Variants in RPS4Y1 observed in about 807,000 individuals in gnomAD.
RPS4Y1 encodes ribosomal protein S4 Y-linked 1, also known as small ribosomal subunit protein eS4, Y isoform 1.
For missense variants in RPS4Y1, 30 were observed against 60.9 expected (o/e 0.49, Z 1.69); for synonymous variants, 23 against 20.8 (o/e 1.10, Z -0.28).
intron 5 of RPS4Y1, among the ~76,000 whole-genome samples, chrY:2,862,378 G>A (rs776805330): frequency 8.7e-4 from 29 of 33,299 alleles, no homozygotes; most frequent in South Asian, 2.7e-3. Context: ...GTCTTTCCAT[G>A]GTGCATCATG....
intron 5 of RPS4Y1, among the ~76,000 whole-genome samples, chrY:2,856,434 G>C: frequency 3.0e-5 from 1 of 33,807 alleles, no homozygotes; most frequent in South Asian, 6.6e-4. Flanking sequence ...ACCGTGCCCA[G>C]CCGAGAATAA....
intron 4 of RPS4Y1, among the ~76,000 whole-genome samples, chrY:2,846,975 A>G: frequency 5.9e-5 from 2 of 33,983 alleles, no homozygotes; most frequent in African/African-American, 1.2e-4. Flanking sequence ...AGACTATCGC[A>G]TAGTAGCGAG....
intron 5 of RPS4Y1, among the ~76,000 whole-genome samples, chrY:2,856,002 G>C: frequency 1.5e-4 from 5 of 34,059 alleles, no homozygotes; most frequent in African/African-American, 4.6e-4. Context: ...TTGTTTCTAA[G>C]TGATCCAGCG....
intron 5 of RPS4Y1, among the ~76,000 whole-genome samples, chrY:2,863,129 G>T (rs2051164836): frequency 3.0e-5 from 1 of 33,674 alleles, no homozygotes; most frequent in Non-Finnish European, 7.3e-5. Context: ...ATAAAATAGT[G>T]ATTCATGGGA....
At chrY:2,856,919 T>C (rs2051160370) in intron 5 of RPS4Y1, among the ~76,000 whole-genome samples, 1 of 33,711 alleles carries the variant, frequency 3.0e-5, no homozygotes, top group Non-Finnish European at 7.3e-5. Context: ...ATTTGTTTAT[T>C]ACTTACTAGT....
chrY:2,854,656 G>A lies in RPS4Y1; in HGVS notation c.417G>A (p.Leu139=). The stretch of plus-strand genomic sequence containing the variant: ...TGGGAGTGAAGGGAATCCCTCACCT[G>A]GTGACTCATGATGCTCGAACCATCC... The part of the protein sequence containing the change: ...ITVGVKGIPH[L]VTHDARTIRY... Residue 139 remains leucine (L), a synonymous_variant, in exon 5 of 7, where the codon CTG becomes CTA. Transcript: ENST00000250784. 2.5e-6 allele frequency: 1 copy of A among 394,650 alleles called. No homozygotes were observed. Among genetic ancestry groups the A allele is most frequent in the South Asian group, 3.0e-5 (1 of 33,708 alleles).
intron 5 of RPS4Y1, among the ~76,000 whole-genome samples, chrY:2,862,939 G>T (rs2051164696): frequency 3.0e-5 from 1 of 33,516 alleles, no homozygotes; most frequent in East Asian, 8.0e-4. Flanking sequence ...TATGGGAAGC[G>T]TCTGCTGTTT....
intron 2 of RPS4Y1, among the ~76,000 whole-genome samples, chrY:2,842,617 G>T (rs928145510): frequency 1.1e-3 from 36 of 32,890 alleles, no homozygotes; most frequent in Non-Finnish European, 1.9e-3. Context: ...GTTTTAGAGG[G>T]TGGAGTAGCT....
intron 5 of RPS4Y1, among the ~76,000 whole-genome samples, chrY:2,857,973 T>A (rs774250503): frequency 1.8e-4 from 6 of 34,120 alleles, no homozygotes; most frequent in African/African-American, 6.9e-4. Flanking sequence ...GGTTTTTTTA[T>A]AGCAGCCTTG....
At chrY:2,854,023 G>T in intron 4 of RPS4Y1, 1 of 33,012 alleles carries the variant, frequency 3.0e-5, no homozygotes, top group South Asian at 6.8e-4. Context: ...TAGAGACGGG[G>T]TTTCTCCATG....
chrY:2,854,405 T>C, intron 4 of RPS4Y1, 195 bp from the exon 5 acceptor site: 1 of 138,038 alleles, frequency 7.2e-6, no homozygotes, highest in South Asian at 5.3e-5. Flanking sequence ...TGGCAAGGTT[T>C]CCCAAATGTC....
chrY:2,854,264 T>C (rs1603309122), intron 4 of RPS4Y1: 1 of 64,907 alleles, frequency 1.5e-5, no homozygotes, highest in South Asian at 1.4e-4. Flanking sequence ...AAAAATGATA[T>C]ACCAGTTGAT....
intron 4 of RPS4Y1, 125 bp from the exon 5 acceptor site, chrY:2,854,475 C>T (rs372384737): frequency 0.015 from 2,797 of 180,793 alleles, no homozygotes; most frequent in South Asian, 0.049. Flanking sequence ...ATAGTTTTTC[C>T]CAAGAGCACT....
chrY:2,851,665 T>C, intron 4 of RPS4Y1, among the ~76,000 whole-genome samples: 1 of 33,248 alleles, frequency 3.0e-5, no homozygotes, highest in Non-Finnish European at 7.4e-5. Flanking sequence ...GCCCTTGTTA[T>C]ATCATTTATT....
At chrY:2,847,345 GA>G (rs2051153342) in intron 4 of RPS4Y1, among the ~76,000 whole-genome samples, 1 of 33,983 alleles carries the variant, frequency 2.9e-5, no homozygotes, top group East Asian at 7.7e-4. Context: ...TGGGTCTTGG[GA>G]AAACAGCCTG....
chrY:2,864,275 G>A (rs913909175), intron 5 of RPS4Y1, among the ~76,000 whole-genome samples: 1 of 33,377 alleles, frequency 3.0e-5, no homozygotes, highest in African/African-American at 1.2e-4. Context: ...TTATCCTGGA[G>A]TTTTTTAGGC....
chrY:2,865,367 C>T, intron 6 of RPS4Y1, 122 bp downstream of exon 6: 1 of 188,085 alleles, frequency 5.3e-6, no homozygotes, highest in African/African-American at 8.0e-5. Context: ...TCACAGAGTG[C>T]AGCAAGCTCT....
Position 2,860,202 on chromosome Y carries a change from C to A in RPS4Y1, c.533-4886C>A. Among the ~76,000 whole-genome samples, 6 of 33,650 alleles carry A rather than the reference C, an allele frequency of 1.8e-4. No homozygotes were observed. In the South Asian group the frequency reaches 3.9e-3, roughly 22 times the overall value. 90.3% of individuals were successfully genotyped at this position (33,650 alleles called of 37,273 possible). On this transcript the variant is annotated intron_variant, in intron 5 of 6. Coordinates refer to ENST00000250784, the MANE Select transcript of RPS4Y1 (RefSeq NM_001008.4). ...GGAGAAATCTGCATCTGTAAAGAAT[C>A]TCTATTAAAATAGATAAATCTTTTT... is the stretch of plus-strand genomic sequence containing the variant.
rs766720442 is a variant in RPS4Y1 at position 2,860,050 on chromosome Y, GACTT to G, written c.533-5033_533-5030del. ...GGTTTTATTTAACCCTATATTTCAT[GACTT>G]ACTTTCCAGTCTGACTCTGGGATAA... On this transcript the variant is annotated intron_variant, in intron 5 of 6. Coordinates refer to ENST00000250784, the MANE Select transcript of RPS4Y1 (RefSeq NM_001008.4). Among the ~76,000 whole-genome samples, 19 of 32,770 alleles carry G rather than the reference GACTT, an allele frequency of 5.8e-4. No homozygotes were observed. In the East Asian group the frequency reaches 0.015, roughly 26 times the overall value. 87.9% of individuals were successfully genotyped at this position (32,770 alleles called of 37,273 possible). A position where few individuals can be genotyped will look rare whatever the true frequency, so the allele number is the denominator to read the frequency against.
Sources: gnomAD v4.1 joint callset for allele counts (sites outside exome capture counted in the v4.1 genomes callset) on GRCh38, gnomAD v4.1.1 for gene constraint, MANE v1.5 for transcripts, NCBI Gene and HGNC (gene_info 2026-07-23, HGNC 2026-07-21) for gene names.